The following NAALADL2 variants were observed in gnomAD, a reference collection of about 807,000 sequenced individuals.
The protein encoded by NAALADL2 is N-acetylated alpha-linked acidic dipeptidase like 2.
Under a neutral mutation model 87.2 loss-of-function variants are expected in NAALADL2, and 76 were observed. That is an observed-to-expected ratio of 0.87 (90% CI 0.72 to 1.05). The LOEUF (loss-of-function observed/expected upper bound fraction) is 1.05, where lower values mean the gene tolerates loss of function less well. NAALADL2 is among the 50% of genes least tolerant of loss of function. NAALADL2 has a pLI of 0.00. For missense variants in NAALADL2, 1,089 were observed against 945.8 expected, an observed-to-expected ratio of 1.15 and a Z score of -1.99; for synonymous variants, 354 against 331.0, an observed-to-expected ratio of 1.07 and a Z score of -0.75.
chr3:174,734,298 A>C (rs976460531), intron 2 of NAALADL2, among the ~76,000 whole-genome samples: 1 of 152,186 alleles, frequency 6.6e-6, no homozygotes, highest in East Asian at 1.9e-4. Context: ...GCAGGTATGC[A>C]CATGTGTGTA....
intron 1 of NAALADL2, among the ~76,000 whole-genome samples, chr3:175,066,618 G>T (rs1228002945): frequency 6.6e-6 from 1 of 152,032 alleles, no homozygotes; most frequent in Non-Finnish European, 1.5e-5. Context: ...ATTGTTTCTT[G>T]GTTAGTTTGG....
intron 11 of NAALADL2, among the ~76,000 whole-genome samples, chr3:175,654,851 CT>C (rs1731234076): frequency 6.6e-6 from 1 of 152,050 alleles, no homozygotes; most frequent in Non-Finnish European, 1.5e-5. Context: ...ACCAGGGAAC[CT>C]GTGTATAGGC....
At chr3:174,640,121 A>G (rs1042464152) in intron 2 of NAALADL2, among the ~76,000 whole-genome samples, 3 of 152,226 alleles carry the variant, frequency 2.0e-5, no homozygotes, top group African/African-American at 7.2e-5. Flanking sequence ...GATTTAGCCT[A>G]GAAATGCCAA....
intron 11 of NAALADL2, among the ~76,000 whole-genome samples, chr3:175,727,092 C>A (rs956864907): frequency 1.3e-5 from 2 of 152,090 alleles, no homozygotes; most frequent in Admixed American, 6.5e-5. Flanking sequence ...CACATCCCAT[C>A]GATTTTTCAT....
chr3:174,901,715 C>A (rs893718289), intron 1 of NAALADL2, among the ~76,000 whole-genome samples: 4 of 152,056 alleles, frequency 2.6e-5, no homozygotes, highest in African/African-American at 9.7e-5. Context: ...AGAAAGAATA[C>A]TGGAGGTTAT....
At chr3:175,015,557 A>G (rs552727833) in intron 1 of NAALADL2, among the ~76,000 whole-genome samples, 1 of 152,212 alleles carries the variant, frequency 6.6e-6, no homozygotes, top group Non-Finnish European at 1.5e-5. Context: ...TCACAGTTCA[A>G]TCACTAAGAA....
intron 3 of NAALADL2, among the ~76,000 whole-genome samples, chr3:174,771,318 G>A (rs1714522772): frequency 6.6e-6 from 1 of 152,196 alleles, no homozygotes; most frequent in African/African-American, 2.4e-5. Context: ...AGTTAGGTAA[G>A]GCTTCAAGCT....
intron 5 of NAALADL2, among the ~76,000 whole-genome samples, chr3:175,348,050 C>CTTTTG (rs1015443980): frequency 6.6e-5 from 10 of 151,950 alleles, no homozygotes; most frequent in Non-Finnish European, 1.2e-4. Flanking sequence ...GGTTAGGTTT[C>CTTTTG]TTTTGTTTTG....
In NAALADL2 at chr3:175,495,101, T is replaced by A. The variant is rs956414369; in HGVS notation, c.1653+23343T>A. On this transcript the variant is annotated intron_variant, in intron 9 of 13. Coordinates refer to ENST00000454872, the MANE Select transcript of NAALADL2 (RefSeq NM_207015.3). Reference sequence around the variant, plus strand: ...ATATATATATATATATATTTTTTTTTAATTTTAGATTATTTCTAGATCATG... The same window carrying A: ...ATATATATATATATATATTTTTTTTAAATTTTAGATTATTTCTAGATCATG... 5.4e-5 allele frequency among the ~76,000 whole-genome samples: 8 copies of A among 148,774 alleles called. No individual in the cohort carries two copies. The South Asian group carries it at 6.3e-4, about 12-fold the overall frequency.
At chr3:175,323,401 G>C (rs980114208) in intron 4 of NAALADL2, among the ~76,000 whole-genome samples, 1 of 150,220 alleles carries the variant, frequency 6.7e-6, no homozygotes, top group Non-Finnish European at 1.5e-5. Flanking sequence ...TGACGAGTTA[G>C]TGGGTGCAGC....
intron 5 of NAALADL2, among the ~76,000 whole-genome samples, chr3:175,427,330 C>T (rs1716983669): frequency 6.6e-6 from 1 of 151,960 alleles, no homozygotes; most frequent in African/African-American, 2.4e-5. Flanking sequence ...TTTGTACTTC[C>T]AGCAATTAAG....
intron 2 of NAALADL2, among the ~76,000 whole-genome samples, chr3:175,199,892 TC>T (rs1739770124): frequency 6.3e-5 from 6 of 95,436 alleles, no homozygotes; most frequent in African/African-American, 2.3e-4. Context: ...TTTTTTTTTT[TC>T]CTTAGTCCAT....
At chr3:174,529,731 A>G (rs923246642) in intron 1 of NAALADL2, among the ~76,000 whole-genome samples, 1 of 152,204 alleles carries the variant, frequency 6.6e-6, no homozygotes, top group Non-Finnish European at 1.5e-5. Flanking sequence ...GGAAGCTGCC[A>G]AGGCTTGAAG....
At chr3:175,339,229 G>T (rs1762342965) in intron 5 of NAALADL2, among the ~76,000 whole-genome samples, 1 of 152,220 alleles carries the variant, frequency 6.6e-6, no homozygotes, top group Non-Finnish European at 1.5e-5. Context: ...TAGAGAGCCT[G>T]TGTGAAATAA....
At chr3:175,718,499 C>T in intron 11 of NAALADL2, 1 of 1,589,156 alleles carries the variant, frequency 6.3e-7, no homozygotes. Flanking sequence ...ATAAATTGTT[C>T]TTGGAGGCCC....
chr3:175,065,109 C>T (rs1440657799), intron 1 of NAALADL2, among the ~76,000 whole-genome samples: 2 of 151,950 alleles, frequency 1.3e-5, no homozygotes, highest in South Asian at 2.1e-4. Flanking sequence ...AGCTAGGAGA[C>T]CTGGAAATTC....
chr3:175,155,964 TAAAC>T (rs1732254592), intron 2 of NAALADL2, among the ~76,000 whole-genome samples: 1 of 152,166 alleles, frequency 6.6e-6, no homozygotes, highest in Non-Finnish European at 1.5e-5. Flanking sequence ...AGAGGAAAAG[TAAAC>T]AAGTGCTTAT....
At chr3:175,316,664 G>A (rs1190782150) in intron 4 of NAALADL2, among the ~76,000 whole-genome samples, 1 of 152,166 alleles carries the variant, frequency 6.6e-6, no homozygotes. Flanking sequence ...ATAGCCCAGA[G>A]ACAGCAGATT....
Position 175,343,127 on chromosome 3 carries a change from T to C in NAALADL2, c.1090+18802T>C, listed in dbSNP as rs575481905. 3.3e-5 allele frequency among the ~76,000 whole-genome samples: 5 copies of C among 152,220 alleles called. No individual in the cohort carries two copies. The South Asian group carries it at 1.0e-3, about 32-fold the overall frequency. ...AAATAACTTTCAAAGCAGTATATGC[T>C]TTGGGAAGTATAGAATTTTTCTATT... On this transcript the variant is annotated intron_variant, in intron 5 of 13. Transcript: ENST00000454872.
Sources: gnomAD v4.1 joint callset for allele counts (sites outside exome capture counted in the v4.1 genomes callset) on GRCh38, gnomAD v4.1.1 for gene constraint, MANE v1.5 for transcripts, NCBI Gene and HGNC (gene_info 2026-07-23, HGNC 2026-07-21) for gene names.